The following ENTREP2 variants were observed in gnomAD, a reference collection of about 807,000 sequenced individuals.
ENTREP2 encodes the protein endosomal transmembrane epsin interactor 2.
At chr15:29,568,710 CAAAAAAAAAAAA>C in the ENTREP2 span, among the ~76,000 whole-genome samples, 13 of 128,238 alleles carry the variant, frequency 1.0e-4, no homozygotes, top group East Asian at 5.3e-4. Context: ...CCTCTTAAGG[CAAAAAAAAAAAA>C]AAAAAAAAAA....
chr15:29,168,830 C>G, the ENTREP2 span, among the ~76,000 whole-genome samples: 1 of 152,118 alleles, frequency 6.6e-6, no homozygotes, highest in Non-Finnish European at 1.5e-5. Flanking sequence ...GGGCAAGGAC[C>G]CAGGAGGGAG....
At chr15:29,179,521 T>C in the ENTREP2 span, among the ~76,000 whole-genome samples, 2 of 151,946 alleles carry the variant, frequency 1.3e-5, no homozygotes, top group Non-Finnish European at 2.9e-5. Flanking sequence ...TGAGCTTAGT[T>C]TGAGTCATCG....
the ENTREP2 span, among the ~76,000 whole-genome samples, chr15:29,200,184 A>AT: frequency 7.1e-3 from 1,054 of 149,048 alleles, 16 homozygotes; most frequent in African/African-American, 0.024. Flanking sequence ...CTCCATATAC[A>AT]TTTTTTTTTT....
the ENTREP2 span, among the ~76,000 whole-genome samples, chr15:29,272,632 G>A: frequency 6.6e-6 from 1 of 152,150 alleles, no homozygotes; most frequent in African/African-American, 2.4e-5. Flanking sequence ...GACACTTCAA[G>A]GGAGGGCAAA....
the ENTREP2 span, among the ~76,000 whole-genome samples, chr15:29,232,624 C>A: frequency 6.6e-6 from 1 of 151,416 alleles, no homozygotes; most frequent in African/African-American, 2.5e-5. Flanking sequence ...TTCTTAGTAG[C>A]TGGGACTACA....
chr15:29,138,359 A>C, the ENTREP2 span, among the ~76,000 whole-genome samples: 1 of 152,230 alleles, frequency 6.6e-6, no homozygotes, highest in Non-Finnish European at 1.5e-5. Flanking sequence ...TCTGCTGCCC[A>C]GAGGTCACCT....
chr15:29,272,154 T>TG, the ENTREP2 span, among the ~76,000 whole-genome samples: 12 of 152,184 alleles, frequency 7.9e-5, no homozygotes, highest in Non-Finnish European at 1.3e-4. Context: ...TCCAGAAGAA[T>TG]GCAGGTGAGA....
the ENTREP2 span, among the ~76,000 whole-genome samples, chr15:29,444,427 G>A: frequency 2.0e-5 from 3 of 151,750 alleles, no homozygotes; most frequent in Admixed American, 6.6e-5. Context: ...TTTCCCTTTG[G>A]CATAGTGAGT....
chr15:29,230,195 T>C, the ENTREP2 span, among the ~76,000 whole-genome samples: 1 of 152,182 alleles, frequency 6.6e-6, no homozygotes, highest in Non-Finnish European at 1.5e-5. Context: ...TCATAATCTC[T>C]TAGGTGGACT....
At chr15:29,170,590 G>T in the ENTREP2 span, among the ~76,000 whole-genome samples, 1 of 151,834 alleles carries the variant, frequency 6.6e-6, no homozygotes, top group Non-Finnish European at 1.5e-5. Flanking sequence ...CTGTGTGTGT[G>T]TGTGTGTGAG....
the ENTREP2 span, among the ~76,000 whole-genome samples, chr15:29,135,828 A>G: frequency 6.6e-6 from 1 of 152,190 alleles, no homozygotes; most frequent in Non-Finnish European, 1.5e-5. The surrounding 1 kb of genome is among the most constrained non-coding windows in gnomAD (Gnocchi z 7.4). Context: ...AGACAGGACC[A>G]GGGATCCAGG....
chr15:29,627,065 A>T, the ENTREP2 span, among the ~76,000 whole-genome samples: 1 of 151,132 alleles, frequency 6.6e-6, no homozygotes, highest in African/African-American at 2.4e-5. Flanking sequence ...TGACCTTAGG[A>T]TCTTTCTTCT....
the ENTREP2 span, among the ~76,000 whole-genome samples, chr15:29,331,658 GATCGTTA>G: frequency 6.6e-6 from 1 of 152,234 alleles, no homozygotes. Context: ...ATGACAGCAT[GATCGTTA>G]ATCCACCAAC....
chr15:29,361,807 G>A, the ENTREP2 span, among the ~76,000 whole-genome samples: 1 of 152,204 alleles, frequency 6.6e-6, no homozygotes. Flanking sequence ...GACACTTACA[G>A]GTCCAATGGG....
the ENTREP2 span, among the ~76,000 whole-genome samples, chr15:29,227,295 C>T: frequency 6.6e-6 from 1 of 152,232 alleles, no homozygotes; most frequent in Non-Finnish European, 1.5e-5. Context: ...GGCTCTGCCA[C>T]CAGGCTGAGA....
At chr15:29,465,737 T>C in the ENTREP2 span, among the ~76,000 whole-genome samples, 1 of 152,212 alleles carries the variant, frequency 6.6e-6, no homozygotes, top group Non-Finnish European at 1.5e-5. Context: ...GGGATGACAG[T>C]TATAAATAAT....
chr15:29,671,726 C>T, the ENTREP2 span, among the ~76,000 whole-genome samples: 1 of 152,190 alleles, frequency 6.6e-6, no homozygotes, highest in African/African-American at 2.4e-5. Flanking sequence ...AAATTGGCTC[C>T]AGATCTGAGC....
the ENTREP2 span, among the ~76,000 whole-genome samples, chr15:29,211,748 G>A: frequency 3.9e-5 from 6 of 152,226 alleles, no homozygotes; most frequent in South Asian, 1.2e-3. Flanking sequence ...TGTGATTTTT[G>A]TATTTAATTC....
At chr15:29,448,509 T>G in the ENTREP2 span, among the ~76,000 whole-genome samples, 1 of 152,214 alleles carries the variant, frequency 6.6e-6, no homozygotes, top group African/African-American at 2.4e-5. Context: ...CTAAATGCAC[T>G]TAAGCGACTG....
Sources: allele counts gnomAD v4.1 joint callset (sites outside exome capture counted in the v4.1 genomes callset), GRCh38; gene constraint gnomAD v4.1.1; non-coding constraint Gnocchi (gnomAD v3.1); transcripts MANE v1.5; gene names NCBI Gene and HGNC (gene_info 2026-07-23, HGNC 2026-07-21).